Variants in CSMD1 observed in about 807,000 individuals in gnomAD.
CSMD1 encodes CUB and sushi domain-containing protein 1.
CSMD1 carries 213 observed loss-of-function variants against 417.5 expected under a neutral mutation model. The observed-to-expected ratio is 0.51, with a 90% CI of 0.46 to 0.57. The LOEUF (loss-of-function observed/expected upper bound fraction) is 0.57. CSMD1 is among the 20% of genes least tolerant of loss of function. CSMD1 has a pLI of 0.00. For missense variants in CSMD1, 6,923 were observed against 4,529.7 expected (o/e 1.53, Z -15.17); for synonymous variants, 2,862 against 1,736.8 (o/e 1.65, Z -16.11).
chr8:3,353,572 A>T (rs1274725902), intron 21 of CSMD1, among the ~76,000 whole-genome samples: 3 of 152,226 alleles, frequency 2.0e-5, no homozygotes, highest in Non-Finnish European at 4.4e-5. Flanking sequence ...CGTAGGACGT[A>T]ATTTAATAAG....
chr8:4,053,420 C>T (rs1207175378), intron 3 of CSMD1, among the ~76,000 whole-genome samples: 1 of 151,860 alleles, frequency 6.6e-6, no homozygotes, highest in Non-Finnish European at 1.5e-5. Flanking sequence ...TAGCTCCCAC[C>T]ACCTGCTTTT....
At chr8:3,412,310 G>A (rs1003807387) in intron 12 of CSMD1, among the ~76,000 whole-genome samples, 6 of 151,838 alleles carry the variant, frequency 4.0e-5, no homozygotes, top group Middle Eastern at 6.4e-3. Context: ...GTGTGTGCAA[G>A]TATCTTTTTC....
intron 5 of CSMD1, among the ~76,000 whole-genome samples, chr8:3,974,406 A>G (rs1026518077): frequency 6.6e-6 from 1 of 151,974 alleles, no homozygotes; most frequent in Admixed American, 6.6e-5. Context: ...ATGTATTTTT[A>G]TTTTCACTTC....
chr8:4,949,074 G>A (rs981396195), intron 1 of CSMD1, among the ~76,000 whole-genome samples: 3 of 151,970 alleles, frequency 2.0e-5, no homozygotes, highest in Non-Finnish European at 4.4e-5. Flanking sequence ...GCTTCTGTTG[G>A]GATAACTTTT....
intron 3 of CSMD1, among the ~76,000 whole-genome samples, chr8:4,078,233 C>T (rs1017489407): frequency 5.9e-5 from 9 of 151,786 alleles, no homozygotes; most frequent in African/African-American, 2.2e-4. Context: ...TTTTCTTACA[C>T]ATATAAACGT....
chr8:4,937,721 G>T (rs761950128), intron 1 of CSMD1, among the ~76,000 whole-genome samples: 1 of 151,990 alleles, frequency 6.6e-6, no homozygotes, highest in Admixed American at 6.6e-5. Flanking sequence ...TTGACTTTAC[G>T]CCTGAGCAGA....
intron 6 of CSMD1, among the ~76,000 whole-genome samples, chr8:3,738,075 C>G (rs939851180): frequency 6.6e-6 from 1 of 152,152 alleles, no homozygotes; most frequent in African/African-American, 2.4e-5. Flanking sequence ...TAAATGATTA[C>G]TATAGTCTCT....
At chr8:4,250,367 C>T (rs1260479170) in intron 3 of CSMD1, among the ~76,000 whole-genome samples, 1 of 152,154 alleles carries the variant, frequency 6.6e-6, no homozygotes, top group African/African-American at 2.4e-5. Flanking sequence ...TAATGTGACT[C>T]TGTGCATAGT....
At chr8:3,357,292 G>A (rs1808858066) in intron 21 of CSMD1, among the ~76,000 whole-genome samples, 1 of 152,196 alleles carries the variant, frequency 6.6e-6, no homozygotes, top group East Asian at 1.9e-4. Flanking sequence ...GGCTCCCTGG[G>A]TTCGAGTCTT....
intron 5 of CSMD1, among the ~76,000 whole-genome samples, chr8:3,909,542 T>C (rs1323655477): frequency 1.6e-4 from 25 of 152,072 alleles, no homozygotes; most frequent in Non-Finnish European, 1.5e-5. Flanking sequence ...TCTCCCCAGG[T>C]ATTTCAACCC....
chr8:3,415,326 G>A (rs777145581), intron 12 of CSMD1, among the ~76,000 whole-genome samples: 4 of 152,110 alleles, frequency 2.6e-5, no homozygotes, highest in African/African-American at 7.2e-5. Flanking sequence ...ATAGTACCAT[G>A]TTGTATAAGA....
chr8:4,022,199 T>A lies in CSMD1; in HGVS notation c.610+9706A>T, dbSNP rs946380758. Among the ~76,000 whole-genome samples the A allele has an allele frequency of 1.7e-4, 25 of 148,186 alleles. No homozygotes were observed. In the East Asian group the frequency reaches 3.5e-3, roughly 21 times the overall value. On this transcript the variant is annotated intron_variant, in intron 4 of 69. Coordinates refer to ENST00000635120, the MANE Select transcript of CSMD1 (RefSeq NM_033225.6). Reference sequence around the variant, plus strand: ...ATATTTATGTGTATATATATATATATAACAATAGCATTGTTATTGGTAATA... The same window carrying A: ...ATATTTATGTGTATATATATATATAAAACAATAGCATTGTTATTGGTAATA...
intron 5 of CSMD1, among the ~76,000 whole-genome samples, chr8:3,846,930 C>A (rs1364190184): frequency 6.6e-6 from 1 of 152,186 alleles, no homozygotes; most frequent in African/African-American, 2.4e-5. Flanking sequence ...CCGCCCTGGC[C>A]TCCCAAAGTG....
At chr8:3,601,989 G>A (rs1448954615) in intron 8 of CSMD1, among the ~76,000 whole-genome samples, 3 of 152,142 alleles carry the variant, frequency 2.0e-5, no homozygotes, top group South Asian at 2.1e-4. Context: ...GGAGATGTGG[G>A]TAGGGGAGGA....
intron 3 of CSMD1, among the ~76,000 whole-genome samples, chr8:4,308,753 T>A (rs1220258668): frequency 4.6e-5 from 7 of 152,314 alleles, no homozygotes; most frequent in African/African-American, 1.7e-4. Flanking sequence ...GACTGGCTGT[T>A]TGAGCGTGAT....
intron 5 of CSMD1, among the ~76,000 whole-genome samples, chr8:3,824,485 A>G (rs763004834): frequency 3.9e-5 from 6 of 152,130 alleles, no homozygotes; most frequent in Non-Finnish European, 7.4e-5. Flanking sequence ...TACCTCATAC[A>G]TTATCCACTA....
intron 25 of CSMD1, among the ~76,000 whole-genome samples, chr8:3,290,863 T>C (rs1171626257): frequency 6.6e-6 from 1 of 151,886 alleles, no homozygotes; most frequent in Admixed American, 6.6e-5. Context: ...CAACACTATA[T>C]TGAATAGGAG....
At chr8:3,378,678 G>A (rs61599306) in intron 18 of CSMD1, among the ~76,000 whole-genome samples, 11,825 of 152,104 alleles carry the variant, frequency 0.078, 901 homozygotes, top group East Asian at 0.28. Context: ...TGAAGAAAAG[G>A]CCTTCAATAA....
intron 12 of CSMD1, among the ~76,000 whole-genome samples, chr8:3,450,588 G>C (rs1396332211): frequency 6.6e-6 from 1 of 150,758 alleles, no homozygotes; most frequent in Non-Finnish European, 1.5e-5. Context: ...CTTTGTGATA[G>C]TTTCCTGAGA....
Sources: allele counts gnomAD v4.1 joint callset (sites outside exome capture counted in the v4.1 genomes callset), GRCh38; gene constraint gnomAD v4.1.1; transcripts MANE v1.5; gene names NCBI Gene and HGNC (gene_info 2026-07-23, HGNC 2026-07-21).